Variants in IRAK1BP1 observed in about 807,000 individuals in gnomAD.
IRAK1BP1 encodes interleukin 1 receptor associated kinase 1 binding protein 1.
IRAK1BP1 carries 24 observed loss-of-function variants against 28.0 expected under a neutral mutation model. The ratio of observed to expected loss-of-function variants is 0.86; its 90% CI spans 0.62 to 1.20. IRAK1BP1 has a LOEUF of 1.20. Among genes scored for constraint, IRAK1BP1 ranks in the 50% most tolerant of loss-of-function variants. The pLI, the probability that IRAK1BP1 is intolerant of heterozygous loss-of-function variation, is 0.00. For missense variants in IRAK1BP1, 336 were observed against 316.7 expected (o/e 1.06, Z -0.46); for synonymous variants, 131 against 116.3 (o/e 1.13, Z -0.81).
intron 4 of IRAK1BP1, among the ~76,000 whole-genome samples, chr6:78,942,367 C>T (rs1012412798): frequency 6.6e-6 from 1 of 152,142 alleles, no homozygotes; most frequent in Non-Finnish European, 1.5e-5. Flanking sequence ...CCTGTAATCC[C>T]AGCTACTCAG....
At chr6:78,937,046 T>G (rs1366930563) in intron 4 of IRAK1BP1, 2 of 151,776 alleles carry the variant, frequency 1.3e-5, no homozygotes, top group African/African-American at 4.8e-5. Context: ...AGTAATCAGA[T>G]GATAAAACTA....
chr6:78,963,009 A>C, the IRAK1BP1 span: 1 of 1,303,784 alleles, frequency 7.7e-7, no homozygotes, highest in Non-Finnish European at 1.0e-6. Flanking sequence ...GATATTGTGA[A>C]AAAAAATTTT....
At chr6:78,910,650 G>C (rs909678448) in intron 4 of IRAK1BP1, among the ~76,000 whole-genome samples, 5 of 152,200 alleles carry the variant, frequency 3.3e-5, no homozygotes, top group Non-Finnish European at 5.9e-5. Context: ...GGAGGGCGGA[G>C]CCTTTCCTGG....
intron 4 of IRAK1BP1, among the ~76,000 whole-genome samples, chr6:78,917,774 T>G (rs1772600394): frequency 6.6e-6 from 1 of 152,116 alleles, no homozygotes; most frequent in Non-Finnish European, 1.5e-5. Flanking sequence ...ATTTTCAGCA[T>G]TCTTAAAGAA....
Position 78,898,999 on chromosome 6 carries a change from A to T in IRAK1BP1, c.*665A>T, listed in dbSNP as rs1772006152. ...GACTATTACTCATGGCACAACAAGG[A>T]GCATGAGCATCAGCACATTCTCATT... On this transcript the variant is annotated 3_prime_UTR_variant, in exon 4 of 4. Transcript: ENST00000369940. The T allele has an allele frequency of 6.6e-6, 1 of 152,198 alleles. No individual in the cohort carries two copies. Among genetic ancestry groups the T allele is most frequent in the Non-Finnish European group, 1.5e-5 (1 of 68,040 alleles). The allele number at this position is 152,198 out of a possible 1,614,324, so 9.4% of individuals were successfully genotyped here. A position where few individuals can be genotyped will look rare whatever the true frequency, so the allele number is the denominator to read the frequency against.
chr6:78,889,660 C>G (rs563743650), intron 2 of IRAK1BP1, among the ~76,000 whole-genome samples: 9 of 150,714 alleles, frequency 6.0e-5, no homozygotes, highest in Admixed American at 3.3e-4. Context: ...GGCCAGCAAA[C>G]ATGAAAAAAA....
rs569162726 is a variant in IRAK1BP1 at position 78,902,877 on chromosome 6, A to G, written c.*4543A>G. 1.6e-6 allele frequency: 1 copy of G among 626,806 alleles called. No individual in the cohort carries two copies. The highest frequency in any genetic ancestry group is 1.8e-5 in the African/African-American group (1 of 54,438). The allele number at this position is 626,806 out of a possible 1,614,324, so 38.8% of individuals were successfully genotyped here. On this transcript the variant is annotated 3_prime_UTR_variant, in exon 4 of 4. Coordinates refer to ENST00000369940, the MANE Select transcript of IRAK1BP1 (RefSeq NM_001010844.4). ...TCACAGTGGGTAATTCAAATCAGACACTGCTCTTCAAGAGAGGTAATATTA... is the reference window on the plus strand; with the variant it reads ...TCACAGTGGGTAATTCAAATCAGACGCTGCTCTTCAAGAGAGGTAATATTA...
At chr6:78,910,881 G>T (rs146439555) in intron 4 of IRAK1BP1, among the ~76,000 whole-genome samples, 5 of 152,356 alleles carry the variant, frequency 3.3e-5, no homozygotes, top group Admixed American at 1.3e-4. Context: ...CACCAACAGC[G>T]GAGGGCGTTA....
At chr6:78,971,021 C>T in the IRAK1BP1 span, 1 of 617,998 alleles carries the variant, frequency 1.6e-6, no homozygotes, top group Non-Finnish European at 2.7e-6. Context: ...TTTCTCCCTC[C>T]TCCTTTCTCT....
chr6:78,902,971 A>T lies in IRAK1BP1; in HGVS notation c.*4637A>T. On this transcript the variant is annotated 3_prime_UTR_variant, in exon 4 of 4. Coordinates refer to ENST00000369940, the MANE Select transcript of IRAK1BP1 (RefSeq NM_001010844.4). ...TAAAACTCTTATAAACCTGTTTATC[A>T]GAAGGATATTTCTGTTTCAGCAACT... 1 of 1,227,094 alleles carries T rather than the reference A, an allele frequency of 8.1e-7. No individual in the cohort carries two copies. Among genetic ancestry groups the T allele is most frequent in the Non-Finnish European group, 1.2e-6 (1 of 868,576 alleles). The allele number at this position is 1,227,094 out of a possible 1,614,324, so 76.0% of individuals were successfully genotyped here. A position where few individuals can be genotyped will look rare whatever the true frequency, so the allele number is the denominator to read the frequency against.
At chr6:78,879,813 A>G (rs1771156126) in intron 1 of IRAK1BP1, among the ~76,000 whole-genome samples, 1 of 152,030 alleles carries the variant, frequency 6.6e-6, no homozygotes. Flanking sequence ...GTTGACCTAC[A>G]TGCACATCTC....
At chr6:78,872,067 GAA>G in intron 1 of IRAK1BP1, 2 of 697,232 alleles carry the variant, frequency 2.9e-6, no homozygotes, top group Non-Finnish European at 5.2e-6. Flanking sequence ...TGTAGAACTA[GAA>G]TGACTGAGGG....
At position 78,940,948 on chromosome 6, in the gene IRAK1BP1, C is replaced by T. The variant is rs778122960; in HGVS notation, c.*68-4460C>T. The T allele has an allele frequency of 5.6e-6, 9 of 1,614,002 alleles. No individual in the cohort carries two copies. In the East Asian group the frequency reaches 8.9e-5, roughly 16 times the overall value. On this transcript the variant is annotated intron_variant and NMD_transcript_variant, in intron 4 of 4. Coordinates refer to the IRAK1BP1 transcript ENST00000606868. ...TCTTTTTTCGGTTACTTCTCCTTAA[C>T]ACTTTGACACTTGCAGGGACTAGGA... is the stretch of plus-strand genomic sequence containing the variant.
downstream of IRAK1BP1, among the ~76,000 whole-genome samples, chr6:78,949,119 G>GTAAAC (rs1773994524): frequency 2.0e-5 from 3 of 152,158 alleles, no homozygotes; most frequent in Non-Finnish European, 4.4e-5. Flanking sequence ...ATTAGCTGTA[G>GTAAAC]ATGTACTTTT....
the IRAK1BP1 span, among the ~76,000 whole-genome samples, chr6:78,973,187 A>C: frequency 6.6e-6 from 1 of 152,184 alleles, no homozygotes; most frequent in African/African-American, 2.4e-5. Flanking sequence ...TCTCAGCAGA[A>C]ACTCTACAAG....
At chr6:78,893,662 T>C (rs969273653) in intron 2 of IRAK1BP1, among the ~76,000 whole-genome samples, 2 of 152,034 alleles carry the variant, frequency 1.3e-5, no homozygotes, top group Admixed American at 6.6e-5. Flanking sequence ...TCCCAGCACT[T>C]TGGGAGGCCG....
At chr6:78,937,247 A>G (rs892094430) in intron 4 of IRAK1BP1, 4 of 151,794 alleles carry the variant, frequency 2.6e-5, no homozygotes, top group Non-Finnish European at 5.9e-5. Flanking sequence ...CTGACATTTG[A>G]GAGAGATATA....
chr6:78,875,967 AT>A (rs1770988720), intron 1 of IRAK1BP1, among the ~76,000 whole-genome samples: 1 of 152,160 alleles, frequency 6.6e-6, no homozygotes, highest in Non-Finnish European at 1.5e-5. Context: ...ACTTTTTTAA[AT>A]TTTATTCCTA....
intron 2 of IRAK1BP1, among the ~76,000 whole-genome samples, chr6:78,895,862 C>A (rs1270342761): frequency 1.3e-5 from 2 of 152,114 alleles, no homozygotes; most frequent in Non-Finnish European, 2.9e-5. Context: ...CTTCTTTCAC[C>A]ATTGTACTTG....
Sources: gnomAD v4.1 joint callset for allele counts (sites outside exome capture counted in the v4.1 genomes callset) on GRCh38, gnomAD v4.1.1 for gene constraint, MANE v1.5 for transcripts, NCBI Gene and HGNC (gene_info 2026-07-23, HGNC 2026-07-21) for gene names.